Variants in FAM111B observed in about 807,000 individuals in gnomAD.
The protein encoded by FAM111B is serine protease FAM111B.
A neutral mutation model predicts 2.8 loss-of-function variants in FAM111B; 1 was observed. The ratio of observed to expected loss-of-function variants is 0.36; its 90% confidence interval spans 0.13 to 1.70. FAM111B has a LOEUF of 1.70. Among genes scored for constraint, FAM111B ranks in the 40% most tolerant of loss-of-function variants. The pLI is 0.35. For synonymous variants in FAM111B, 297 were observed against 295.6 expected, an observed-to-expected ratio of 1.00 and a Z score of -0.05; for missense variants, 882 against 878.9, an observed-to-expected ratio of 1.00 and a Z score of -0.04.
intron 3 of FAM111B, among the ~76,000 whole-genome samples, chr11:59,117,794 C>T (rs1859860574): frequency 6.6e-6 from 1 of 152,198 alleles, no homozygotes; most frequent in Non-Finnish European, 1.5e-5. Flanking sequence ...CAATCTTCCT[C>T]CTGTTACCAG....
intron 3 of FAM111B, among the ~76,000 whole-genome samples, chr11:59,119,733 A>T (rs932950812): frequency 1.3e-5 from 2 of 152,244 alleles, no homozygotes; most frequent in African/African-American, 4.8e-5. Flanking sequence ...ATGAATCATT[A>T]TAAGTATTTC....
At chr11:59,120,809 A>G (rs1471135213) in intron 3 of FAM111B, among the ~76,000 whole-genome samples, 3 of 152,246 alleles carry the variant, frequency 2.0e-5, no homozygotes, top group African/African-American at 7.2e-5. Context: ...GCATATCCAA[A>G]TAAGTATCAC....
At chr11:59,113,498 A>G (rs1225115695) in intron 3 of FAM111B, among the ~76,000 whole-genome samples, 3 of 152,348 alleles carry the variant, frequency 2.0e-5, no homozygotes, top group East Asian at 3.9e-4. Flanking sequence ...TCATCCTGAC[A>G]TCATGCAGCT....
Position 59,124,785 on chromosome 11 carries a change from C to G in FAM111B, c.688C>G (p.Arg230Gly), listed in dbSNP as rs368870336. ...TGAAGGAGCCTTATGCAAGGATGGC[C>G]GTTTTCGGTCTGACATAGGTGAATT... ...TIEGALCKDG[R>G]FRSDIGEFEW... Residue 230 changes from arginine to glycine, a missense_variant, in exon 4 of 4, where the codon CGT (arginine) becomes GGT (glycine). Physicochemically the swap from Arg to Gly is moderately radical, Grantham distance 125 (BLOSUM62 -2). Transcript: ENST00000343597. 6.2e-7 allele frequency: 1 copy of G among 1,613,672 alleles called. No individual in the cohort carries two copies. The highest frequency in any genetic ancestry group is 1.3e-5 in the African/African-American group (1 of 74,958).
chr11:59,124,874 A>G lies in FAM111B; in HGVS notation c.777A>G (p.Val259=), dbSNP rs1219337295. The change falls in exon 4 of 4, where the codon GTA becomes GTG. Residue 259 remains valine, a synonymous_variant. Transcript: ENST00000343597. ...GAAAACAGTCCATGGTGGATGAAGT[A>G]TCTGGAAAAGTCTTAGAAATGGACA... ...IYGKQSMVDE[V]SGKVLEMDIS... The G allele has an allele frequency of 4.3e-6, 7 of 1,609,866 alleles. No individual in the cohort carries two copies. Among genetic ancestry groups the G allele is most frequent in the Non-Finnish European group, 3.4e-6 (4 of 1,178,714 alleles).
Position 59,124,754 on chromosome 11 carries a change from G to C in FAM111B, c.657G>C (p.Glu219Asp). 6.2e-7 allele frequency: 1 copy of C among 1,613,822 alleles called. No individual in the cohort carries two copies. The highest frequency in any genetic ancestry group is 8.5e-7 in the Non-Finnish European group (1 of 1,179,818). ...TTTGTATTTATGCCTTGAAGGGTGAGACTATTGAAGGAGCCTTATGCAAGG... is the reference window on the plus strand; with the variant it reads ...TTTGTATTTATGCCTTGAAGGGTGACACTATTGAAGGAGCCTTATGCAAGG... The part of the protein sequence containing the change: ...SKLCIYALKG[E>D]TIEGALCKDG... Residue 219 changes from glutamate to aspartate, a missense_variant, in exon 4 of 4, where the codon GAG becomes GAC. Coordinates refer to ENST00000343597, the MANE Select transcript of FAM111B (RefSeq NM_198947.4).
At chr11:59,110,681 C>G (rs957169707) in intron 3 of FAM111B, among the ~76,000 whole-genome samples, 4 of 152,062 alleles carry the variant, frequency 2.6e-5, no homozygotes, top group Non-Finnish European at 5.9e-5. Context: ...ATTAATTATG[C>G]ATTTTGTATG....
chr11:59,112,072 C>T (rs574729364), intron 3 of FAM111B, among the ~76,000 whole-genome samples: 46 of 152,236 alleles, frequency 3.0e-4, no homozygotes, highest in Middle Eastern at 3.4e-3. Context: ...GTAATGTAAC[C>T]ATGACCAAAA....
chr11:59,114,744 T>G (rs767882523), intron 3 of FAM111B, among the ~76,000 whole-genome samples: 2 of 152,026 alleles, frequency 1.3e-5, no homozygotes, highest in Non-Finnish European at 2.9e-5. Flanking sequence ...GTGAATACAG[T>G]GGTATCCTTG....
intron 3 of FAM111B, among the ~76,000 whole-genome samples, chr11:59,123,707 C>T (rs942196996): frequency 1.3e-5 from 2 of 152,204 alleles, no homozygotes; most frequent in Non-Finnish European, 1.5e-5. Context: ...AGTAGTGACA[C>T]ATTGCCTAGT....
Position 59,125,283 on chromosome 11 carries a change from G to A in FAM111B, c.1186G>A (p.Glu396Lys), listed in dbSNP as rs764574179. Residue 396 changes from glutamate to lysine, a missense_variant, in exon 4 of 4, where the codon GAA (glutamate) becomes AAA (lysine). Glu to Lys is a moderately conservative substitution (Grantham distance 56). Transcript: ENST00000343597. ...NLLKNYQTLN[E>K]AIMHQYPNFK... ...CTTAAAGAATTATCAAACGTTGAAT[G>A]AAGCCATAATGCATCAGTATCCGAA... The A allele has an allele frequency of 7.4e-6, 12 of 1,613,890 alleles. No individual in the cohort carries two copies. Among genetic ancestry groups the A allele is most frequent in the Non-Finnish European group, 1.0e-5 (12 of 1,179,848 alleles).
intron 3 of FAM111B, among the ~76,000 whole-genome samples, chr11:59,118,188 T>G (rs772255125): frequency 1.3e-5 from 2 of 152,202 alleles, no homozygotes; most frequent in Non-Finnish European, 2.9e-5. Context: ...TCTGATCCTT[T>G]TGTTACTTGA....
In FAM111B at chr11:59,126,437, AAAC is replaced by A; in HGVS notation, c.*136_*138del. 1.5e-6 allele frequency: 1 copy of A among 657,116 alleles called. No homozygotes were observed. The highest frequency in any genetic ancestry group is 2.4e-6 in the Non-Finnish European group (1 of 414,754). 40.7% of individuals were successfully genotyped at this position (657,116 alleles called of 1,614,324 possible). On this transcript the variant is annotated 3_prime_UTR_variant, in exon 4 of 4. Transcript: ENST00000343597. ...AATTAAATCTTCTGCACAGCAAAAG[AAAC>A]TATCAACAGGGTAAACACACAACCT... is the stretch of plus-strand genomic sequence containing the variant.
At chr11:59,107,535 G>A (rs1174244955) in intron 1 of FAM111B, among the ~76,000 whole-genome samples, 4 of 152,174 alleles carry the variant, frequency 2.6e-5, no homozygotes, top group Non-Finnish European at 4.4e-5. Flanking sequence ...GTTTGACCCT[G>A]GTGGGTCCTT....
rs1859965931 is a variant in FAM111B at position 59,124,095 on chromosome 11, A to G, written c.82-84A>G. 8 of 864,762 alleles carry G rather than the reference A, an allele frequency of 9.3e-6. No individual in the cohort carries two copies. The African/African-American group carries it at 1.2e-4, about 13-fold the overall frequency. The allele number at this position is 864,762 out of a possible 1,614,324, so 53.6% of individuals were successfully genotyped here. A position where few individuals can be genotyped will look rare whatever the true frequency, so the allele number is the denominator to read the frequency against. On this transcript the variant is annotated intron_variant, in intron 3 of 3. Coordinates refer to ENST00000343597, the MANE Select transcript of FAM111B (RefSeq NM_198947.4). ...TTATATTATCTAATTTTTATTCATA[A>G]TATCTATTAGTTCTATCATTAGAAA...
chr11:59,110,654 A>G (rs1859744148), intron 3 of FAM111B, among the ~76,000 whole-genome samples: 1 of 152,208 alleles, frequency 6.6e-6, no homozygotes, highest in African/African-American at 2.4e-5. Context: ...ATCAAGTTGC[A>G]TACATTAATT....
intron 3 of FAM111B, among the ~76,000 whole-genome samples, chr11:59,122,645 T>C (rs147253382): frequency 8.1e-4 from 123 of 152,250 alleles, no homozygotes; most frequent in African/African-American, 2.7e-3. Flanking sequence ...ATTTTATGAC[T>C]CTGGTTTTAA....
In FAM111B at chr11:59,120,048, A is replaced by C. The variant is rs373169810; in HGVS notation, c.82-4131A>C. ...CTTAGTCAGCAATATCAGAAAATGTAATCATCAAAAATTATTTTATAATGC... is the reference window on the plus strand; with the variant it reads ...CTTAGTCAGCAATATCAGAAAATGTCATCATCAAAAATTATTTTATAATGC... On this transcript the variant is annotated intron_variant, in intron 3 of 3. Transcript: ENST00000343597. Among the ~76,000 whole-genome samples, 33 of 152,342 alleles carry C rather than the reference A, an allele frequency of 2.2e-4. 1 individual carries two copies. In the South Asian group the frequency reaches 5.8e-3, roughly 27 times the overall value.
At chr11:59,111,054 G>A (rs1859750649) in intron 3 of FAM111B, among the ~76,000 whole-genome samples, 1 of 152,166 alleles carries the variant, frequency 6.6e-6, no homozygotes, top group Non-Finnish European at 1.5e-5. Flanking sequence ...TTAAGGACTT[G>A]TTTGTGTGTT....
Sources: allele counts gnomAD v4.1 joint callset (sites outside exome capture counted in the v4.1 genomes callset), GRCh38; gene constraint gnomAD v4.1.1; transcripts MANE v1.5; gene names NCBI Gene and HGNC (gene_info 2026-07-23, HGNC 2026-07-21).